The following GLT1D1 variants were observed in gnomAD, a reference collection of about 807,000 sequenced individuals.
GLT1D1 encodes the protein glycosyltransferase 1 domain containing 1.
In GLT1D1, 21 loss-of-function variants were observed where a neutral mutation model predicts 28.7. That is an observed-to-expected ratio of 0.73 (90% CI 0.52 to 1.05). The LOEUF (loss-of-function observed/expected upper bound fraction) is 1.05, where lower values mean the gene tolerates loss of function less well. Ranked by LOEUF, GLT1D1 falls within the 50% of genes least tolerant of loss-of-function variation. The pLI, the probability that GLT1D1 is intolerant of heterozygous loss-of-function variation, is 0.00. For synonymous variants in GLT1D1, 147 were observed against 124.8 expected, an observed-to-expected ratio of 1.18 and a Z score of -1.19; for missense variants, 343 against 330.6, an observed-to-expected ratio of 1.04 and a Z score of -0.29.
rs141093260 is a variant in GLT1D1, at chr12:128,965,610, A to T, written c.639+7967A>T. Among the ~76,000 whole-genome samples, 31 of 150,606 alleles carry T rather than the reference A, an allele frequency of 2.1e-4. No individual in the cohort carries two copies. In the East Asian group the frequency reaches 4.9e-3, roughly 24 times the overall value. On this transcript the variant is annotated intron_variant, in intron 7 of 7. Transcript: ENST00000281703. The stretch of plus-strand genomic sequence containing the variant: ...CCAGAGGCTGGGCATGGTGGCTCAC[A>T]CCTGTAATCCTAGCACTTTGGAAGG...
At chr12:128,939,288 G>A (rs766632392) in intron 4 of GLT1D1, among the ~76,000 whole-genome samples, 1 of 151,942 alleles carries the variant, frequency 6.6e-6, no homozygotes, top group Non-Finnish European at 1.5e-5. Context: ...GAGGCCGGGT[G>A]CAGCAGCTCA....
intron 4 of GLT1D1, among the ~76,000 whole-genome samples, chr12:128,915,521 T>C (rs1191949319): frequency 6.6e-6 from 1 of 152,008 alleles, no homozygotes; most frequent in Non-Finnish European, 1.5e-5. Flanking sequence ...TGCGCCACCA[T>C]GCCTGGCTAA....
At chr12:128,908,864 G>A (rs571736324) in intron 4 of GLT1D1, among the ~76,000 whole-genome samples, 8 of 152,258 alleles carry the variant, frequency 5.3e-5, no homozygotes, top group Admixed American at 1.3e-4. Context: ...CAGGAGAATG[G>A]CGTGAACCCG....
chr12:128,966,859 T>C (rs1455636347), intron 7 of GLT1D1, among the ~76,000 whole-genome samples: 2 of 152,224 alleles, frequency 1.3e-5, no homozygotes, highest in Admixed American at 6.5e-5. Flanking sequence ...TCTCTATTTC[T>C]ATATACCTCA....
intron 1 of GLT1D1, among the ~76,000 whole-genome samples, chr12:128,874,124 C>CTCTCTT (rs1956807030): frequency 2.8e-4 from 11 of 39,278 alleles, no homozygotes; most frequent in African/African-American, 1.0e-3. Context: ...CTCTCTCTCT[C>CTCTCTT]TCTTTCTTTC....
At chr12:128,907,125 A>T (rs1031308171) in intron 4 of GLT1D1, among the ~76,000 whole-genome samples, 7 of 152,106 alleles carry the variant, frequency 4.6e-5, no homozygotes, top group African/African-American at 1.7e-4. Flanking sequence ...TCGGAAAGTC[A>T]TCTTGGCAGC....
intron 4 of GLT1D1, among the ~76,000 whole-genome samples, chr12:128,944,058 C>T (rs569921744): frequency 1.3e-4 from 20 of 152,226 alleles, no homozygotes; most frequent in Admixed American, 1.0e-3. Context: ...AGGATAGCTG[C>T]GTAAAACACA....
chr12:128,925,189 T>C, intron 4 of GLT1D1, among the ~76,000 whole-genome samples: 1 of 152,342 alleles, frequency 6.6e-6, no homozygotes, highest in East Asian at 1.9e-4. Context: ...CTTCAACTTT[T>C]ATTTTAAGTT....
intron 7 of GLT1D1, among the ~76,000 whole-genome samples, chr12:128,962,174 C>T (rs539269125): frequency 2.0e-5 from 3 of 152,340 alleles, no homozygotes; most frequent in African/African-American, 7.2e-5. Flanking sequence ...TATGGCGGCC[C>T]CGTGTGCGTG....
chr12:128,945,251 C>T (rs1875911462), intron 4 of GLT1D1, 75 bp from the exon 9 acceptor site: 1 of 1,476,300 alleles, frequency 6.8e-7, no homozygotes, highest in Non-Finnish European at 9.5e-7. Context: ...AGGGCTTTGG[C>T]CTGGCCCGTG....
chr12:128,863,499 A>G (rs569148509), intron 1 of GLT1D1, among the ~76,000 whole-genome samples: 1 of 152,070 alleles, frequency 6.6e-6, no homozygotes, highest in African/African-American at 2.4e-5. Flanking sequence ...CAGCCTCCCA[A>G]GTAGCTGGGA....
chr12:128,928,323 A>G (rs1465918711), intron 4 of GLT1D1, among the ~76,000 whole-genome samples: 1 of 152,106 alleles, frequency 6.6e-6, no homozygotes, highest in African/African-American at 2.4e-5. Context: ...GGTGGCCGTG[A>G]CCGAGGGATG....
chr12:128,914,896 A>C (rs1871945617), intron 4 of GLT1D1, 37 bp from the exon 6 acceptor site: 1 of 1,490,414 alleles, frequency 6.7e-7, no homozygotes, highest in Non-Finnish European at 9.0e-7. Flanking sequence ...CAGTCGCTTC[A>C]AAGTGAACTT....
rs767645005 is a variant in GLT1D1, at chr12:128,945,367, A to G, written c.417A>G (p.Lys139=). 2 of 1,613,604 alleles carry G rather than the reference A, an allele frequency of 1.2e-6. No individual in the cohort carries two copies. The highest frequency in any genetic ancestry group is 1.7e-6 in the Non-Finnish European group (2 of 1,179,466). ...CAAGGGAAGTGAAAGCCAAAGTGAA[A>G]AGGTAAGAGTTGGTGGAGACCAGTC... The change falls in exon 5 of 8, where the codon AAA becomes AAG. Residue 139 remains lysine, a splice_region_variant and synonymous_variant. Coordinates refer to ENST00000281703, the MANE Select transcript of GLT1D1 (RefSeq NM_144669.3).
intron 1 of GLT1D1, among the ~76,000 whole-genome samples, chr12:128,872,988 T>C (rs910951663): frequency 6.6e-6 from 1 of 152,122 alleles, no homozygotes; most frequent in Admixed American, 6.5e-5. Flanking sequence ...CTTGAATTCC[T>C]GGACTCATCG....
chr12:128,968,611 C>G (rs1303534699), intron 7 of GLT1D1, among the ~76,000 whole-genome samples: 1 of 151,992 alleles, frequency 6.6e-6, no homozygotes, highest in African/African-American at 2.4e-5. Flanking sequence ...TGCAGTGAGC[C>G]GAGATCATGT....
rs61169176 is a variant in GLT1D1 at position 128,973,179 on chromosome 12, G to GTTTTTTTT, written c.640-9730_640-9723dup. ...CTTTTCTGTTTTGTTTGTTTGCTTGGTTTTTTTTTTTTTTTTTTTTTTTTT... is the reference window on the plus strand; with the variant it reads ...CTTTTCTGTTTTGTTTGTTTGCTTGGTTTTTTTTTTTTTTTTTTTTTTTTTTTTTTTTT... On this transcript the variant is annotated intron_variant, in intron 7 of 7. Transcript: ENST00000281703. 5.1e-4 allele frequency among the ~76,000 whole-genome samples: 26 copies of GTTTTTTTT among 50,984 alleles called. 4 individuals carry two copies. The highest frequency in any genetic ancestry group is 1.4e-3 in the Admixed American group (4 of 2,814). The allele number at this position is 50,984 out of a possible 152,430, so 33.4% of individuals were successfully genotyped here.
At chr12:128,948,594 A>G (rs1000567458) in intron 6 of GLT1D1, among the ~76,000 whole-genome samples, 5 of 152,166 alleles carry the variant, frequency 3.3e-5, no homozygotes, top group African/African-American at 9.7e-5. Flanking sequence ...TCCAGGTTTC[A>G]TGTGTTCTTT....
At chr12:128,944,286 T>C in intron 4 of GLT1D1, 1 of 647,772 alleles carries the variant, frequency 1.5e-6, no homozygotes, top group African/African-American at 1.8e-5. Context: ...TAACTGAAGC[T>C]TCCTGGCTTG....
Sources: gnomAD v4.1 joint callset for allele counts (sites outside exome capture counted in the v4.1 genomes callset) on GRCh38, gnomAD v4.1.1 for gene constraint, MANE v1.5 for transcripts, NCBI Gene and HGNC (gene_info 2026-07-23, HGNC 2026-07-21) for gene names.